The following KCTD8 variants were observed in gnomAD, a reference collection of about 807,000 sequenced individuals.
KCTD8 encodes potassium channel tetramerization domain containing 8.
In KCTD8, 27 loss-of-function variants were observed where a neutral mutation model predicts 31.5. The ratio of observed to expected loss-of-function variants is 0.86; its 90% confidence interval spans 0.63 to 1.18. The LOEUF is 1.18. Ranked by LOEUF, KCTD8 falls within the 50% of genes most tolerant of loss-of-function variation. The probability of loss-of-function intolerance (pLI) is 0.00; values close to 1 mark genes in which losing one functional copy is unlikely to be tolerated. For synonymous variants in KCTD8, 290 were observed against 280.0 expected, an observed-to-expected ratio of 1.04 and a Z score of -0.36; for missense variants, 658 against 647.7, an observed-to-expected ratio of 1.02 and a Z score of -0.17.
intron 1 of KCTD8, among the ~76,000 whole-genome samples, chr4:44,336,149 CAAAAAAAAAAAAAAA>C (rs58161667): frequency 2.1e-5 from 1 of 46,526 alleles, no homozygotes. Context: ...GACTCCGTCT[CAAAAAAAAAAAAAAA>C]AAAAAAAAAA....
At chr4:44,176,932 C>A (rs1215807640) in intron 1 of KCTD8, among the ~76,000 whole-genome samples, 1 of 149,366 alleles carries the variant, frequency 6.7e-6, no homozygotes, top group Non-Finnish European at 1.5e-5. Context: ...TTTCAAACTT[C>A]CTTTGTCTGC....
At chr4:44,180,531 T>C (rs776508167) in intron 1 of KCTD8, among the ~76,000 whole-genome samples, 3 of 152,042 alleles carry the variant, frequency 2.0e-5, no homozygotes, top group South Asian at 2.1e-4. Context: ...GCAAACCAGC[T>C]ACCTAGGTCA....
chr4:44,390,748 G>A (rs2109449916), intron 1 of KCTD8, among the ~76,000 whole-genome samples: 1 of 152,046 alleles, frequency 6.6e-6, no homozygotes. Flanking sequence ...TGTTGGCATG[G>A]TGAAAAGGAG....
intron 1 of KCTD8, among the ~76,000 whole-genome samples, chr4:44,351,293 G>A (rs1043888058): frequency 1.3e-5 from 2 of 152,014 alleles, no homozygotes; most frequent in Admixed American, 6.6e-5. Context: ...AATAAATGAC[G>A]TTCTGGGGAT....
chr4:44,233,468 C>T (rs74795501), intron 1 of KCTD8, among the ~76,000 whole-genome samples: 1,541 of 152,242 alleles, frequency 0.01, 38 homozygotes, highest in African/African-American at 0.036. Context: ...TTGTTTACCA[C>T]GTCAGCAATC....
chr4:44,194,815 C>CCCTTCCTTCCTTCCTTCCTTCCTT (rs1167841653), intron 1 of KCTD8, among the ~76,000 whole-genome samples: 2 of 94,744 alleles, frequency 2.1e-5, no homozygotes, highest in African/African-American at 1.0e-4. Flanking sequence ...CTCCCTCCCT[C>CCCTTCCTTCCTTCCTTCCTTCCTT]CCTTCCTTCC....
intron 1 of KCTD8, among the ~76,000 whole-genome samples, chr4:44,252,385 G>T (rs1715868325): frequency 6.6e-6 from 1 of 151,716 alleles, no homozygotes; most frequent in Admixed American, 6.6e-5. Flanking sequence ...CCAGTAGTGG[G>T]ATTGCTGGAT....
intron 1 of KCTD8, among the ~76,000 whole-genome samples, chr4:44,411,463 C>G (rs1720954990): frequency 6.6e-6 from 1 of 151,040 alleles, no homozygotes; most frequent in South Asian, 2.1e-4. Flanking sequence ...TTTGTGATCT[C>G]CTTTGAGATA....
chr4:44,421,979 A>C (rs1721223367), intron 1 of KCTD8, among the ~76,000 whole-genome samples: 1 of 152,114 alleles, frequency 6.6e-6, no homozygotes, highest in Non-Finnish European at 1.5e-5. Flanking sequence ...ATGGGCATTA[A>C]TTAACTGTTC....
intron 1 of KCTD8, among the ~76,000 whole-genome samples, chr4:44,284,057 G>A (rs556955056): frequency 6.6e-6 from 1 of 152,076 alleles, no homozygotes; most frequent in South Asian, 2.1e-4. Context: ...ACTGCCCAAA[G>A]TAATTTATAG....
intron 1 of KCTD8, among the ~76,000 whole-genome samples, chr4:44,321,459 T>C (rs1031636876): frequency 2.0e-5 from 3 of 152,142 alleles, no homozygotes; most frequent in Non-Finnish European, 4.4e-5. Context: ...CGTGTTTTAG[T>C]TTGTTTTATG....
At chr4:44,428,264 C>CA (rs1190586539) in intron 1 of KCTD8, among the ~76,000 whole-genome samples, 2 of 151,564 alleles carry the variant, frequency 1.3e-5, no homozygotes, top group Non-Finnish European at 3.0e-5. Flanking sequence ...TTATGTACAG[C>CA]AAAAAATATG....
At chr4:44,276,525 A>C (rs899022597) in intron 1 of KCTD8, among the ~76,000 whole-genome samples, 1 of 151,934 alleles carries the variant, frequency 6.6e-6, no homozygotes, top group African/African-American at 2.4e-5. Context: ...AATATTCTTT[A>C]GTCTAAACAG....
chr4:44,191,760 A>G (rs1182557154), intron 1 of KCTD8, among the ~76,000 whole-genome samples: 3 of 152,188 alleles, frequency 2.0e-5, no homozygotes, highest in Non-Finnish European at 4.4e-5. Flanking sequence ...TAAGATGTTT[A>G]TCAAGACAAT....
At chr4:44,297,809 A>T (rs916598179) in intron 1 of KCTD8, among the ~76,000 whole-genome samples, 1 of 152,192 alleles carries the variant, frequency 6.6e-6, no homozygotes, top group African/African-American at 2.4e-5. Flanking sequence ...ACATGAACAC[A>T]GCACTTGTGT....
At chr4:44,345,186 A>G (rs1405709498) in intron 1 of KCTD8, among the ~76,000 whole-genome samples, 2 of 152,150 alleles carry the variant, frequency 1.3e-5, no homozygotes, top group African/African-American at 4.8e-5. Context: ...ACTAAGAACA[A>G]TAAGTTAGCC....
chr4:44,277,803 T>C (rs889581518), intron 1 of KCTD8, among the ~76,000 whole-genome samples: 3 of 151,960 alleles, frequency 2.0e-5, no homozygotes, highest in Admixed American at 2.0e-4. Context: ...CTGAGGTTTG[T>C]AATCATCCAA....
chr4:44,219,814 T>C (rs776186737), intron 1 of KCTD8, among the ~76,000 whole-genome samples: 3 of 152,182 alleles, frequency 2.0e-5, no homozygotes, highest in Non-Finnish European at 4.4e-5. Flanking sequence ...CTTATCTGCA[T>C]AAAAATAACA....
rs77784882 is a variant in KCTD8, at chr4:44,259,077, T to C, written c.962-83827A>G. ...TTAATTAACTGGGTTAGGAAACTTGTCTTGGAAGGCAAAGCAGCCTTTTAA... is the reference window on the plus strand; with the variant it reads ...TTAATTAACTGGGTTAGGAAACTTGCCTTGGAAGGCAAAGCAGCCTTTTAA... On this transcript the variant is annotated intron_variant, in intron 1 of 1. Transcript: ENST00000360029. Among the ~76,000 whole-genome samples the C allele has an allele frequency of 8.4e-3, 1,277 of 152,026 alleles. 23 individuals carry two copies. The highest frequency in any genetic ancestry group is 0.029 in the African/African-American group (1,217 of 41,504).
Sources: gnomAD v4.1 joint callset for allele counts (sites outside exome capture counted in the v4.1 genomes callset) on GRCh38, gnomAD v4.1.1 for gene constraint, MANE v1.5 for transcripts, NCBI Gene and HGNC (gene_info 2026-07-23, HGNC 2026-07-21) for gene names.